The following MAP7 variants were observed in gnomAD, a reference collection of about 807,000 sequenced individuals.
MAP7 encodes the protein microtubule associated protein 7.
Under a neutral mutation model 94.8 loss-of-function variants are expected in MAP7, and 52 were observed. The observed-to-expected ratio is 0.55, with a 90% CI of 0.44 to 0.69. The LOEUF is 0.69. Among genes scored for constraint, MAP7 ranks in the 30% least tolerant of loss-of-function variants. MAP7 has a pLI of 0.00. For missense variants in MAP7, 940 were observed against 964.6 expected, an observed-to-expected ratio of 0.97 and a Z score of 0.34; for synonymous variants, 350 against 357.0, an observed-to-expected ratio of 0.98 and a Z score of 0.22.
intron 2 of MAP7, among the ~76,000 whole-genome samples, chr6:136,414,757 T>G (rs922352068): frequency 3.3e-5 from 5 of 151,014 alleles, no homozygotes; most frequent in African/African-American, 9.8e-5. Context: ...TCCTCTTACC[T>G]CAGCCTACCA....
intron 1 of MAP7, among the ~76,000 whole-genome samples, chr6:136,459,388 T>A (rs1480022462): frequency 6.6e-6 from 1 of 152,008 alleles, no homozygotes; most frequent in African/African-American, 2.4e-5. Context: ...ACCATATGAT[T>A]CAGCAATCCC....
chr6:136,481,505 G>A (rs776367022), intron 1 of MAP7, among the ~76,000 whole-genome samples: 38 of 152,106 alleles, frequency 2.5e-4, no homozygotes, highest in Non-Finnish European at 4.9e-4. Flanking sequence ...TGAAATAAGC[G>A]AGGGACAAAA....
At chr6:136,374,193 T>G (rs1307057055) in intron 7 of MAP7, among the ~76,000 whole-genome samples, 3 of 152,208 alleles carry the variant, frequency 2.0e-5, no homozygotes, top group Non-Finnish European at 4.4e-5. Context: ...GAAACTGACA[T>G]AAAGCTTTAC....
chr6:136,400,065 C>T (rs1413138463), intron 3 of MAP7, among the ~76,000 whole-genome samples: 1 of 151,702 alleles, frequency 6.6e-6, no homozygotes, highest in Non-Finnish European at 1.5e-5. Context: ...CCAACCCCTA[C>T]CTCTACACCA....
chr6:136,466,822 G>A, intron 1 of MAP7: 1 of 1,533,756 alleles, frequency 6.5e-7, no homozygotes. Flanking sequence ...CAACATATCT[G>A]CATGTCTCCC....
At chr6:136,483,522 T>C (rs1400999116) in intron 1 of MAP7, among the ~76,000 whole-genome samples, 1 of 152,062 alleles carries the variant, frequency 6.6e-6, no homozygotes, top group Non-Finnish European at 1.5e-5. Flanking sequence ...ATTTTACAAA[T>C]TAAATTAAAT....
chr6:136,460,389 C>A (rs1804795859), intron 1 of MAP7, among the ~76,000 whole-genome samples: 1 of 152,030 alleles, frequency 6.6e-6, no homozygotes, highest in South Asian at 2.1e-4. Flanking sequence ...GCCAAAATTT[C>A]TGTAATGCTA....
chr6:136,439,738 A>G (rs1797314905), intron 1 of MAP7, among the ~76,000 whole-genome samples: 1 of 152,190 alleles, frequency 6.6e-6, no homozygotes, highest in Admixed American at 6.5e-5. Flanking sequence ...TTCAGAATTA[A>G]GCCAGTATTA....
chr6:136,381,337 C>T (rs1346694633), intron 6 of MAP7, among the ~76,000 whole-genome samples: 3 of 151,932 alleles, frequency 2.0e-5, no homozygotes, highest in African/African-American at 7.3e-5. Flanking sequence ...CACCATCACG[C>T]TTGGCTAATT....
chr6:136,421,567 G>A, intron 2 of MAP7, 134 bp downstream of exon 2: 1 of 736,052 alleles, frequency 1.4e-6, no homozygotes, highest in South Asian at 1.8e-5. Flanking sequence ...TGGCAGGACT[G>A]AAACCAAGCT....
chr6:136,347,671 G>A (rs1208972317), intron 16 of MAP7, among the ~76,000 whole-genome samples: 1 of 152,142 alleles, frequency 6.6e-6, no homozygotes, highest in East Asian at 1.9e-4. Context: ...CTCCCAAAGT[G>A]CTGGGATTAC....
At chr6:136,470,590 A>AT (rs907395891) in intron 1 of MAP7, among the ~76,000 whole-genome samples, 66 of 152,164 alleles carry the variant, frequency 4.3e-4, no homozygotes, top group Middle Eastern at 3.4e-3. Flanking sequence ...CCTGCCTGAG[A>AT]TTTTGTACCC....
intron 1 of MAP7, among the ~76,000 whole-genome samples, chr6:136,452,678 G>A (rs1274344283): frequency 4.6e-5 from 7 of 151,836 alleles, no homozygotes; most frequent in Admixed American, 2.6e-4. Context: ...TCAGCCTCCC[G>A]AGTAGCTATG....
intron 1 of MAP7, among the ~76,000 whole-genome samples, chr6:136,458,262 T>C (rs768777047): frequency 1.3e-5 from 2 of 152,044 alleles, no homozygotes; most frequent in Non-Finnish European, 2.9e-5. Flanking sequence ...AAACGTTGAT[T>C]AAAGAAATTT....
intron 1 of MAP7, among the ~76,000 whole-genome samples, chr6:136,432,192 C>A (rs773308902): frequency 1.3e-5 from 2 of 151,942 alleles, no homozygotes; most frequent in African/African-American, 4.8e-5. Context: ...ATTCTGTACT[C>A]ATAAATTAAA....
chr6:136,541,112 G>A (rs1258725477), intron 1 of MAP7, among the ~76,000 whole-genome samples: 3 of 152,170 alleles, frequency 2.0e-5, no homozygotes, highest in Non-Finnish European at 4.4e-5. Context: ...CCTGTCTGGT[G>A]CGCCTGCCAC....
At chr6:136,351,182 T>C (rs1789072182) in intron 16 of MAP7, among the ~76,000 whole-genome samples, 1 of 151,716 alleles carries the variant, frequency 6.6e-6, no homozygotes, top group African/African-American at 2.4e-5. Context: ...TTAAGACATC[T>C]TGGGATCACT....
At chr6:136,549,159 A>G (rs1225398530) in intron 1 of MAP7, among the ~76,000 whole-genome samples, 1 of 152,186 alleles carries the variant, frequency 6.6e-6, no homozygotes, top group Non-Finnish European at 1.5e-5. Context: ...ACTGTTTCAG[A>G]GCTCTCTGGA....
chr6:136,490,560 C>G (rs1288128384), intron 1 of MAP7, among the ~76,000 whole-genome samples: 1 of 152,178 alleles, frequency 6.6e-6, no homozygotes, highest in Non-Finnish European at 1.5e-5. Context: ...TCAATATTAT[C>G]AACCAACACA....
Sources: allele counts gnomAD v4.1 joint callset (sites outside exome capture counted in the v4.1 genomes callset), GRCh38; gene constraint gnomAD v4.1.1; transcripts MANE v1.5; gene names NCBI Gene and HGNC (gene_info 2026-07-23, HGNC 2026-07-21).